ESPNL: variants seen among roughly 807,000 people sequenced by gnomAD.
ESPNL encodes espin-like protein.
A neutral mutation model predicts 46.8 loss-of-function variants in ESPNL; 49 were observed. The observed-to-expected ratio is 1.05, with a 90% CI of 0.83 to 1.33. The LOEUF is 1.33. Among genes scored for constraint, ESPNL ranks in the 40% most tolerant of loss-of-function variants. The pLI, the probability that ESPNL is intolerant of heterozygous loss-of-function variation, is 0.00. For missense variants in ESPNL, 1,540 were observed against 1,436.6 expected, an observed-to-expected ratio of 1.07 and a Z score of -1.16; for synonymous variants, 664 against 662.1, an observed-to-expected ratio of 1.00 and a Z score of -0.04.
At chr2:238,108,289 G>A (rs1691643355) in intron 4 of ESPNL, among the ~76,000 whole-genome samples, 1 of 152,238 alleles carries the variant, frequency 6.6e-6, no homozygotes, top group Admixed American at 6.5e-5. Context: ...TCTGCTGTGA[G>A]CAGCCTGCGA....
intron 1 of ESPNL, 136 bp from the exon 2 acceptor site, chr2:238,101,805 A>G: frequency 1.6e-6 from 1 of 609,790 alleles, no homozygotes; most frequent in Non-Finnish European, 2.9e-6. Context: ...GCAGAAACGG[A>G]GGGAAGGAGG....
In ESPNL at chr2:238,131,339, G is replaced by T; in HGVS notation, c.2625G>T (p.Arg875=). 6.3e-7 allele frequency: 1 copy of T among 1,593,174 alleles called. No homozygotes were observed. ...LLECDLPAEE[R]KLRHLLCFEV... ...AGTGCGACCTGCCGGCGGAGGAGCG[G>T]AAGCTGCGCCACCTGCTGTGCTTCG... Residue 875 remains arginine (R), a synonymous_variant, in exon 9 of 9, where the codon CGG becomes CGT. Coordinates refer to ENST00000343063, the MANE Select transcript of ESPNL (RefSeq NM_194312.4).
At chr2:238,104,917 G>C in intron 3 of ESPNL, 75 bp downstream of exon 3, 4 of 1,286,342 alleles carry the variant, frequency 3.1e-6, no homozygotes, top group South Asian at 1.6e-5. Context: ...CTGGAGCCTG[G>C]ATGGGGGCTC....
At chr2:238,124,047 G>C (rs928432234) in intron 5 of ESPNL, among the ~76,000 whole-genome samples, 6 of 152,248 alleles carry the variant, frequency 3.9e-5, no homozygotes, top group African/African-American at 1.4e-4. Flanking sequence ...CAGGAAAATG[G>C]GGGCCCTGCA....
In ESPNL at chr2:238,133,250, C is replaced by T. The variant is rs1470463504; in HGVS notation, c.*1518C>T. The T allele has an allele frequency of 2.6e-5, 4 of 152,286 alleles. No homozygotes were observed. Among genetic ancestry groups the T allele is most frequent in the African/African-American group, 4.8e-5 (2 of 41,442 alleles). The allele number at this position is 152,286 out of a possible 1,614,324, so 9.4% of individuals were successfully genotyped here. A position where few individuals can be genotyped will look rare whatever the true frequency, so the allele number is the denominator to read the frequency against. On this transcript the variant is annotated 3_prime_UTR_variant, in exon 9 of 9. Coordinates refer to ENST00000343063, the MANE Select transcript of ESPNL (RefSeq NM_194312.4). ...ACCCTGCTGTAGAGCTGAAGCTGAA[C>T]ATGTGTTTGCTAAATAAAGATTCCC...
At chr2:238,123,368 C>T (rs920109847) in intron 5 of ESPNL, among the ~76,000 whole-genome samples, 1 of 152,232 alleles carries the variant, frequency 6.6e-6, no homozygotes, top group African/African-American at 2.4e-5. Context: ...TCTGCGGCAG[C>T]CCGGCTGTGG....
In ESPNL at chr2:238,114,410, C is replaced by G. The variant is rs146320439; in HGVS notation, c.856-2493C>G. 1.8e-4 allele frequency among the ~76,000 whole-genome samples: 28 copies of G among 152,304 alleles called. No individual in the cohort carries two copies. Among genetic ancestry groups the G allele is most frequent in the Non-Finnish European group, 3.7e-4 (25 of 68,022 alleles). ...TCCCAGCAACAGCTCCTTGGGGACG[C>G]TCCGCCTCCACCCACCCACACACCC... On this transcript the variant is annotated intron_variant, in intron 4 of 8. Coordinates refer to ENST00000343063, the MANE Select transcript of ESPNL (RefSeq NM_194312.4). This position sits in a 1 kb window ranked among gnomAD's most constrained non-coding sequence, Gnocchi z 5.0.
intron 3 of ESPNL, among the ~76,000 whole-genome samples, chr2:238,105,540 G>A (rs1691578180): frequency 6.6e-6 from 1 of 151,448 alleles, no homozygotes; most frequent in South Asian, 2.1e-4. Flanking sequence ...AAAGAGTAGA[G>A]GAGGCCCTCT....
At chr2:238,104,190 CGA>C (rs1559258056) in intron 2 of ESPNL, among the ~76,000 whole-genome samples, 1 of 152,100 alleles carries the variant, frequency 6.6e-6, no homozygotes, top group Admixed American at 6.5e-5. Context: ...GGCACGAGCC[CGA>C]GAGTTGACCC....
rs1292987062 is a variant in ESPNL at position 238,114,651 on chromosome 2, C to A, written c.856-2252C>A. On this transcript the variant is annotated intron_variant, in intron 4 of 8. Transcript: ENST00000343063. This position sits in a 1 kb window ranked among gnomAD's most constrained non-coding sequence, Gnocchi z 5.0. ...TTCAGGCGTTATCTGGTTCAAGCCT[C>A]CCAGCAGCCCCCGGGGAAGGGGTGT... is the stretch of plus-strand genomic sequence containing the variant. Among the ~76,000 whole-genome samples, 3 of 152,228 alleles carry A rather than the reference C, an allele frequency of 2.0e-5. No individual in the cohort carries two copies. The highest frequency in any genetic ancestry group is 7.2e-5 in the African/African-American group (3 of 41,460).
chr2:238,116,937 C>T lies in ESPNL; in HGVS notation c.890C>T (p.Pro297Leu). Residue 297 changes from proline to leucine, a missense_variant, in exon 5 of 9, where the codon CCC becomes CTC. By Grantham distance (98) the Pro-to-Leu change is moderately conservative (BLOSUM62 -3). Transcript: ENST00000343063. ...CQTLVSHHVD[P>L]SLRDEDGYTA... ...ACCCTAGTCTCCCACCACGTGGACC[C>T]CTCCCTGCGGGATGAAGATGGTTAC... 6.2e-7 allele frequency: 1 copy of T among 1,612,728 alleles called. No homozygotes were observed. Among genetic ancestry groups the T allele is most frequent in the Non-Finnish European group, 8.5e-7 (1 of 1,179,882 alleles).
chr2:238,115,054 C>T lies in ESPNL; in HGVS notation c.856-1849C>T, dbSNP rs541153272. Among the ~76,000 whole-genome samples, 64 of 152,234 alleles carry T rather than the reference C, an allele frequency of 4.2e-4. 1 individual carries two copies. Among genetic ancestry groups the T allele is most frequent in the African/African-American group, 1.5e-3 (61 of 41,546 alleles). On this transcript the variant is annotated intron_variant, in intron 4 of 8. Transcript: ENST00000343063. Reference sequence around the variant, plus strand: ...TGCGGTTCTGGCGCTGGTCTTGCGGCGGTTCTGGCTCCGGTCTTGCGGTGG... The same window carrying T: ...TGCGGTTCTGGCGCTGGTCTTGCGGTGGTTCTGGCTCCGGTCTTGCGGTGG...
intron 4 of ESPNL, among the ~76,000 whole-genome samples, chr2:238,111,324 T>C (rs1397554791): frequency 1.3e-5 from 2 of 152,192 alleles, no homozygotes; most frequent in Non-Finnish European, 2.9e-5. Context: ...ATCTTAGCCA[T>C]TTTCGAGCAC....
chr2:238,118,813 TGGA>T (rs1691897568), intron 5 of ESPNL, among the ~76,000 whole-genome samples: 1 of 93,692 alleles, frequency 1.1e-5, no homozygotes, highest in Non-Finnish European at 2.1e-5. Context: ...GAGGAATGGA[TGGA>T]GGAGGAATGG....
Position 238,131,580 on chromosome 2 carries a change from G to A in ESPNL, c.2866G>A (p.Val956Ile), listed in dbSNP as rs555479609. The part of the protein sequence containing the change: ...TLLGPLPHAA[V>I]PCSGPEPTAQ... ...GCTCGGGCCCCTGCCTCACGCCGCC[G>A]TCCCCTGCAGCGGCCCTGAGCCCAC... Residue 956 changes from valine to isoleucine, a missense_variant, in exon 9 of 9, where the codon GTC (valine) becomes ATC (isoleucine). Coordinates refer to ENST00000343063, the MANE Select transcript of ESPNL (RefSeq NM_194312.4). The A allele has an allele frequency of 5.0e-5, 81 of 1,611,356 alleles. No individual in the cohort carries two copies. In the Middle Eastern group the frequency reaches 8.3e-4, roughly 16 times the overall value.
chr2:238,121,661 G>C (rs1691989956), intron 5 of ESPNL, among the ~76,000 whole-genome samples: 1 of 152,236 alleles, frequency 6.6e-6, no homozygotes, highest in African/African-American at 2.4e-5. Flanking sequence ...GCCTCCCAAA[G>C]TGCTGGGACT....
At chr2:238,128,131 G>A (rs540302642) in intron 7 of ESPNL, among the ~76,000 whole-genome samples, 297 of 152,282 alleles carry the variant, frequency 2.0e-3, no homozygotes, top group South Asian at 0.01. Flanking sequence ...CAGACCAGCA[G>A]AAGGGTCCTG....
Position 238,114,191 on chromosome 2 carries a change from G to A in ESPNL, c.856-2712G>A, listed in dbSNP as rs1346810365. 2.6e-5 allele frequency among the ~76,000 whole-genome samples: 4 copies of A among 152,094 alleles called. No individual in the cohort carries two copies. The highest frequency in any genetic ancestry group is 9.7e-5 in the African/African-American group (4 of 41,404). ...CCCACCCTCTGCTGACAATCCCAGCGGTGATGGGGTCCGTCACTCTGGGGG... is the reference window on the plus strand; with the variant it reads ...CCCACCCTCTGCTGACAATCCCAGCAGTGATGGGGTCCGTCACTCTGGGGG... On this transcript the variant is annotated intron_variant, in intron 4 of 8. Transcript: ENST00000343063. This position sits in a 1 kb window ranked among gnomAD's most constrained non-coding sequence, Gnocchi z 5.0.
At chr2:238,115,253 G>T (rs907322217) in intron 4 of ESPNL, among the ~76,000 whole-genome samples, 3 of 152,226 alleles carry the variant, frequency 2.0e-5, no homozygotes, top group Admixed American at 6.5e-5. Context: ...GGAACTCAGG[G>T]CAGAGGAGGG....
Sources: allele counts gnomAD v4.1 joint callset (sites outside exome capture counted in the v4.1 genomes callset), GRCh38; gene constraint gnomAD v4.1.1; non-coding constraint Gnocchi (gnomAD v3.1); transcripts MANE v1.5; gene names NCBI Gene and HGNC (gene_info 2026-07-23, HGNC 2026-07-21).